The following TREML4 variants were observed in gnomAD, a reference collection of about 807,000 sequenced individuals.
TREML4 encodes the protein triggering receptor expressed on myeloid cells like 4.
In TREML4, 25 loss-of-function variants were observed where a neutral mutation model predicts 25.4. That is an observed-to-expected ratio of 0.98 (90% CI 0.72 to 1.37). The LOEUF (loss-of-function observed/expected upper bound fraction) is 1.37, where lower values mean the gene tolerates loss of function less well. Ranked by LOEUF, TREML4 falls within the 40% of genes most tolerant of loss-of-function variation. The pLI, the probability that TREML4 is intolerant of heterozygous loss-of-function variation, is 0.00. For missense variants in TREML4, 268 were observed against 236.5 expected, an observed-to-expected ratio of 1.13 and a Z score of -0.87; for synonymous variants, 92 against 87.9, an observed-to-expected ratio of 1.05 and a Z score of -0.26.
intron 2 of TREML4, among the ~76,000 whole-genome samples, chr6:41,229,288 C>T (rs532161861): frequency 6.6e-6 from 1 of 152,184 alleles, no homozygotes; most frequent in South Asian, 2.1e-4. Context: ...GTCTGTCTGT[C>T]ACTCTGCGTC....
At position 41,237,348 on chromosome 6, in the gene TREML4, G is replaced by A. The variant is rs1354635227; in HGVS notation, c.*329G>A. On this transcript the variant is annotated 3_prime_UTR_variant, in exon 6 of 6. Coordinates refer to ENST00000341495, the MANE Select transcript of TREML4 (RefSeq NM_198153.3). The stretch of plus-strand genomic sequence containing the variant: ...CGCCATTGGGAAGACCTGGGGTGGG[G>A]GTTTCTGCATCCGGGTCAATGCCCA... The A allele has an allele frequency of 1.2e-5, 2 of 161,594 alleles. No individual in the cohort carries two copies. The highest frequency in any genetic ancestry group is 3.2e-4 in the East Asian group (2 of 6,188). The allele number at this position is 161,594 out of a possible 1,614,324, so 10.0% of individuals were successfully genotyped here.
chr6:41,236,371 G>T (rs1165324715), intron 4 of TREML4, 115 bp from the exon 5 acceptor site: 15 of 789,902 alleles, frequency 1.9e-5, no homozygotes, highest in Non-Finnish European at 1.7e-5. Flanking sequence ...ATCGTTCAGG[G>T]TGGGCCCTTA....
chr6:41,234,429 T>A (rs1215134479), intron 4 of TREML4, among the ~76,000 whole-genome samples: 1 of 150,246 alleles, frequency 6.7e-6, no homozygotes, highest in African/African-American at 2.4e-5. Flanking sequence ...AAGAATCATA[T>A]AATTGAATGA....
chr6:41,235,805 A>G (rs977535724), intron 4 of TREML4, among the ~76,000 whole-genome samples: 1 of 150,956 alleles, frequency 6.6e-6, no homozygotes, highest in African/African-American at 2.5e-5. Flanking sequence ...CTCTAAAATT[A>G]TATGAAAAAG....
chr6:41,235,987 G>A (rs1766888641), intron 4 of TREML4, among the ~76,000 whole-genome samples: 1 of 151,784 alleles, frequency 6.6e-6, no homozygotes, highest in Non-Finnish European at 1.5e-5. Flanking sequence ...CCAGGAGTGG[G>A]GGCTACACAG....
At chr6:41,231,443 G>A (rs1290767561) in intron 4 of TREML4, among the ~76,000 whole-genome samples, 1 of 151,974 alleles carries the variant, frequency 6.6e-6, no homozygotes, top group Non-Finnish European at 1.5e-5. Flanking sequence ...TAGGCTCTTA[G>A]TAGAAGCACT....
At chr6:41,230,521 T>C (rs1766776345) in intron 4 of TREML4, among the ~76,000 whole-genome samples, 1 of 152,170 alleles carries the variant, frequency 6.6e-6, no homozygotes, top group Admixed American at 6.5e-5. Flanking sequence ...TCTGCTTCTA[T>C]TCTTGCAGTC....
At position 41,229,534 on chromosome 6, in the gene TREML4, T is replaced by C. The variant is rs753258905; in HGVS notation, c.408T>C (p.Ser136=). 6.2e-7 allele frequency: 1 copy of C among 1,613,844 alleles called. No individual in the cohort carries two copies. Among genetic ancestry groups the C allele is most frequent in the East Asian group, 2.2e-5 (1 of 44,864 alleles). ...SLVVSPAPTT[S]PMWTLPWLPT... ...TTTTCTCTTTAGCCCCAACCACGTC[T>C]CCTATGTGGACTCTTCCCTGGCTCC... The change falls in exon 3 of 6, where the codon TCT becomes TCC. Residue 136 remains serine (S), a synonymous_variant. Coordinates refer to ENST00000341495, the MANE Select transcript of TREML4 (RefSeq NM_198153.3).
At chr6:41,232,162 C>G (rs1318123997) in intron 4 of TREML4, among the ~76,000 whole-genome samples, 1 of 152,144 alleles carries the variant, frequency 6.6e-6, no homozygotes. Context: ...GCCAAATTGT[C>G]ACTCCAATGT....
intron 5 of TREML4, among the ~76,000 whole-genome samples, 181 bp from the exon 6 acceptor site, chr6:41,236,874 A>G (rs1766915486): frequency 1.3e-5 from 2 of 151,758 alleles, no homozygotes; most frequent in Non-Finnish European, 2.9e-5. Context: ...AGGAGGACAA[A>G]GCTGAGAGTG....
intron 4 of TREML4, 99 bp downstream of exon 4, chr6:41,230,221 T>C: frequency 1.0e-6 from 1 of 998,158 alleles, no homozygotes; most frequent in Non-Finnish European, 1.6e-6. Flanking sequence ...CCAGGGATCC[T>C]TCTCTGGTGG....
In TREML4 at chr6:41,229,071, T is replaced by C. The variant is rs374756773; in HGVS notation, c.394+27T>C. The stretch of plus-strand genomic sequence containing the variant: ...TGAGCTCTTTTCTTGAGGAAATACC[T>C]CTGTGCCACCCCCCAGGGACCTGAA... On this transcript the variant is annotated intron_variant, in intron 2 of 5. Transcript: ENST00000341495. 1.1e-5 allele frequency: 17 copies of C among 1,579,696 alleles called. No homozygotes were observed. The East Asian group carries it at 3.6e-4, about 33-fold the overall frequency.
rs1766930623 is a variant in TREML4 at position 41,237,716 on chromosome 6, A to C, written c.*697A>C. 6.6e-6 allele frequency: 1 copy of C among 152,242 alleles called. No individual in the cohort carries two copies. The allele number at this position is 152,242 out of a possible 1,614,324, so 9.4% of individuals were successfully genotyped here. On this transcript the variant is annotated 3_prime_UTR_variant, in exon 6 of 6. Coordinates refer to ENST00000341495, the MANE Select transcript of TREML4 (RefSeq NM_198153.3). ...AAGCTGAGGAAGATCTAGAAGTAAA[A>C]GAAAAAATTAGATGCGTTAAAATGA...
chr6:41,229,677 A>C, intron 3 of TREML4, 106 bp downstream of exon 3: 1 of 1,229,962 alleles, frequency 8.1e-7, no homozygotes, highest in Non-Finnish European at 1.2e-6. Flanking sequence ...CTGAGGACTG[A>C]TCTCTTGGGG....
chr6:41,236,568 G>A lies in TREML4; in HGVS notation c.589G>A (p.Gly197Ser), dbSNP rs1373339665. The change falls in exon 5 of 6, where the codon GGC becomes AGC. Residue 197 changes from glycine (G) to serine (S), a missense_variant. Coordinates refer to ENST00000341495, the MANE Select transcript of TREML4 (RefSeq NM_198153.3). The stretch of plus-strand genomic sequence containing the variant: ...GCTATGTGGACTCCTCCTGGCCAAG[G>A]GCCTGATGTTGTGAGTCCTGTTAGT... The part of the protein sequence containing the change: ...LVLCGLLLAK[G>S]LML The A allele has an allele frequency of 1.2e-6, 2 of 1,614,008 alleles. No individual in the cohort carries two copies. The highest frequency in any genetic ancestry group is 2.2e-5 in the East Asian group (1 of 44,874).
chr6:41,229,196 G>A (rs1561900974), intron 2 of TREML4, 152 bp downstream of exon 2: 2 of 721,134 alleles, frequency 2.8e-6, no homozygotes, highest in East Asian at 5.4e-5. Flanking sequence ...CCCAAACATG[G>A]ACTCTCACCT....
chr6:41,232,582 AT>A (rs1766822963), intron 4 of TREML4: 1 of 155,522 alleles, frequency 6.4e-6, no homozygotes. Context: ...TTATTATTAC[AT>A]TTTAATATAT....
Position 41,238,613 on chromosome 6 carries a change from G to C in TREML4, c.*1594G>C, listed in dbSNP as rs1436424405. ...TTCCTTTAGGACTTATACACAGGTG[G>C]CATCAGCTGGGTTGTGGGATCTCAG... On this transcript the variant is annotated 3_prime_UTR_variant, in exon 6 of 6. Coordinates refer to ENST00000341495, the MANE Select transcript of TREML4 (RefSeq NM_198153.3). 1 of 152,176 alleles carries C rather than the reference G, an allele frequency of 6.6e-6. No homozygotes were observed. Among genetic ancestry groups the C allele is most frequent in the Non-Finnish European group, 1.5e-5 (1 of 68,032 alleles). The allele number at this position is 152,176 out of a possible 1,614,324, so 9.4% of individuals were successfully genotyped here.
At chr6:41,233,963 T>C (rs1349642439) in intron 4 of TREML4, among the ~76,000 whole-genome samples, 1 of 151,602 alleles carries the variant, frequency 6.6e-6, no homozygotes, top group East Asian at 1.9e-4. Flanking sequence ...TAAAATACAG[T>C]ATTCATAAAT....
Sources: allele counts gnomAD v4.1 joint callset (sites outside exome capture counted in the v4.1 genomes callset), GRCh38; gene constraint gnomAD v4.1.1; transcripts MANE v1.5; gene names NCBI Gene and HGNC (gene_info 2026-07-23, HGNC 2026-07-21).